The following MBD5 variants were observed in gnomAD, a reference collection of about 807,000 sequenced individuals.
MBD5 encodes methyl-CpG-binding domain protein 5.
A neutral mutation model predicts 117.3 loss-of-function variants in MBD5; 13 were observed. The ratio of observed to expected loss-of-function variants is 0.11; its 90% CI spans 0.07 to 0.18. MBD5 has a LOEUF of 0.18. Among genes scored for constraint, MBD5 ranks in the 10% least tolerant of loss-of-function variants. The probability of loss-of-function intolerance (pLI) is 1.00; values close to 1 mark genes in which losing one functional copy is unlikely to be tolerated. For synonymous variants in MBD5, 727 were observed against 766.4 expected (o/e 0.95, Z 0.85); for missense variants, 1,879 against 2,093.8 (o/e 0.90, Z 2.00).
At chr2:148,352,485 T>A (rs1279025562) in intron 4 of MBD5, among the ~76,000 whole-genome samples, 2 of 151,898 alleles carry the variant, frequency 1.3e-5, no homozygotes, top group Non-Finnish European at 2.9e-5. Flanking sequence ...ACCACAAGGG[T>A]CCCTCATGTT....
chr2:148,475,606 T>A (rs955480925), intron 8 of MBD5, among the ~76,000 whole-genome samples: 1 of 152,094 alleles, frequency 6.6e-6, no homozygotes, highest in Non-Finnish European at 1.5e-5. Flanking sequence ...AGTGTGCAAA[T>A]TGGGAGAATT....
In MBD5 at chr2:148,416,076, A is replaced by G. The variant is rs190007909; in HGVS notation, c.-556-42127A>G. ...GTTACCAGAGTTCTTGCACTGGCTC[A>G]TCAGTGTGGCTTGGTGTTCCTTCAG... is the stretch of plus-strand genomic sequence containing the variant. On this transcript the variant is annotated intron_variant, in intron 4 of 13. Coordinates refer to ENST00000642680, the MANE Select transcript of MBD5 (RefSeq NM_001378120.1). 9.5e-4 allele frequency among the ~76,000 whole-genome samples: 145 copies of G among 152,280 alleles called. 1 individual carries two copies. Among genetic ancestry groups the G allele is most frequent in the African/African-American group, 3.2e-3 (134 of 41,572 alleles).
intron 1 of MBD5, among the ~76,000 whole-genome samples, chr2:148,136,493 T>C (rs762228196): frequency 2.0e-5 from 3 of 152,240 alleles, no homozygotes; most frequent in Non-Finnish European, 4.4e-5. Flanking sequence ...TCTCTCTGGA[T>C]ACATTTGTTG....
chr2:148,290,219 A>C (rs1701470597), intron 3 of MBD5, among the ~76,000 whole-genome samples: 1 of 149,642 alleles, frequency 6.7e-6, no homozygotes, highest in Non-Finnish European at 1.5e-5. Flanking sequence ...CAGCCTCCCA[A>C]AGTCCTGGGA....
chr2:148,286,664 A>G (rs1342267552), intron 3 of MBD5, among the ~76,000 whole-genome samples: 1 of 152,178 alleles, frequency 6.6e-6, no homozygotes, highest in Non-Finnish European at 1.5e-5. Flanking sequence ...TATTCATTTA[A>G]TCTGGTTGTA....
chr2:148,158,666 T>C (rs1156321853), intron 1 of MBD5, among the ~76,000 whole-genome samples: 1 of 152,254 alleles, frequency 6.6e-6, no homozygotes, highest in East Asian at 1.9e-4. Context: ...TGTCTGACCA[T>C]ATACTAGATA....
chr2:148,061,062 T>C (rs1695023463), intron 1 of MBD5, among the ~76,000 whole-genome samples: 1 of 152,118 alleles, frequency 6.6e-6, no homozygotes, highest in Non-Finnish European at 1.5e-5. Flanking sequence ...GTTTTTGCGG[T>C]TTAATTTTGC....
intron 1 of MBD5, among the ~76,000 whole-genome samples, chr2:148,130,118 T>G (rs1447636043): frequency 6.6e-6 from 1 of 152,172 alleles, no homozygotes; most frequent in Non-Finnish European, 1.5e-5. Flanking sequence ...CTTTGAACAT[T>G]TAGGAAAATA....
At position 148,376,056 on chromosome 2, in the gene MBD5, C is replaced by T. The variant is rs576133472; in HGVS notation, c.-557+33720C>T. On this transcript the variant is annotated intron_variant, in intron 4 of 13. Coordinates refer to ENST00000642680, the MANE Select transcript of MBD5 (RefSeq NM_001378120.1). ...ATCCCTGGCCTCTGCCTACTAGATG[C>T]CAATAGCATACATACACATACTCAG... 6.6e-5 allele frequency among the ~76,000 whole-genome samples: 10 copies of T among 150,644 alleles called. No individual in the cohort carries two copies. In the South Asian group the frequency reaches 2.1e-3, roughly 32 times the overall value.
At chr2:148,079,166 T>C (rs1333407982) in intron 1 of MBD5, among the ~76,000 whole-genome samples, 1 of 152,216 alleles carries the variant, frequency 6.6e-6, no homozygotes, top group Non-Finnish European at 1.5e-5. Flanking sequence ...AAGTTATTCA[T>C]TGCCACCTAA....
intron 1 of MBD5, among the ~76,000 whole-genome samples, chr2:148,073,979 T>A (rs1385941160): frequency 6.6e-6 from 1 of 152,192 alleles, no homozygotes; most frequent in African/African-American, 2.4e-5. Context: ...ATTTTGGGCT[T>A]ATAGGATACC....
chr2:148,045,799 T>C (rs1295152453), intron 1 of MBD5, among the ~76,000 whole-genome samples: 1 of 152,112 alleles, frequency 6.6e-6, no homozygotes, highest in African/African-American at 2.4e-5. Flanking sequence ...CCATTGTCTT[T>C]ATGCTATTAA....
intron 4 of MBD5, among the ~76,000 whole-genome samples, chr2:148,433,754 G>A (rs1443519693): frequency 6.6e-6 from 1 of 152,084 alleles, no homozygotes; most frequent in Non-Finnish European, 1.5e-5. Flanking sequence ...CAGTTTGCTA[G>A]TATTTTGTTG....
intron 1 of MBD5, among the ~76,000 whole-genome samples, chr2:148,068,302 C>A (rs189522233): frequency 6.6e-6 from 1 of 152,196 alleles, no homozygotes; most frequent in Non-Finnish European, 1.5e-5. Flanking sequence ...TACTCACATG[C>A]ATTAGTTCTT....
At chr2:148,119,017 G>A (rs936723759) in intron 1 of MBD5, among the ~76,000 whole-genome samples, 2 of 152,014 alleles carry the variant, frequency 1.3e-5, no homozygotes, top group Non-Finnish European at 2.9e-5. Context: ...GTGGACATAT[G>A]TTTTCACTTC....
At chr2:148,304,037 T>C (rs550757986) in intron 3 of MBD5, among the ~76,000 whole-genome samples, 1 of 152,294 alleles carries the variant, frequency 6.6e-6, no homozygotes, top group East Asian at 1.9e-4. Flanking sequence ...TCAGCTGATA[T>C]TCCAGGACTC....
At chr2:148,122,028 G>A (rs1273842242) in intron 1 of MBD5, among the ~76,000 whole-genome samples, 2 of 152,048 alleles carry the variant, frequency 1.3e-5, no homozygotes, top group South Asian at 4.1e-4. Flanking sequence ...GGAAACCCTT[G>A]CATATGATTT....
At chr2:148,195,602 T>G (rs1404060735) in intron 2 of MBD5, among the ~76,000 whole-genome samples, 1 of 152,126 alleles carries the variant, frequency 6.6e-6, no homozygotes, top group Non-Finnish European at 1.5e-5. Flanking sequence ...AGAATACACA[T>G]TTTTTTCACT....
Position 148,183,304 on chromosome 2 carries a change from A to G in MBD5, c.-831+4511A>G, listed in dbSNP as rs1169695120. Among the ~76,000 whole-genome samples the G allele has an allele frequency of 1.3e-5, 2 of 152,054 alleles. 1 individual carries two copies. Among genetic ancestry groups the G allele is most frequent in the Middle Eastern group, 6.3e-3 (2 of 316 alleles). ...TTAGAGTTTGAACCATATAGTGACC[A>G]TGTATTATCGAAGAAAAATGAAGGG... is the stretch of plus-strand genomic sequence containing the variant. On this transcript the variant is annotated intron_variant, in intron 2 of 13. Coordinates refer to ENST00000642680, the MANE Select transcript of MBD5 (RefSeq NM_001378120.1).
Sources: allele counts gnomAD v4.1 joint callset (sites outside exome capture counted in the v4.1 genomes callset), GRCh38; gene constraint gnomAD v4.1.1; transcripts MANE v1.5; gene names NCBI Gene and HGNC (gene_info 2026-07-23, HGNC 2026-07-21).